The following CIMIP2B variants were observed in gnomAD, a reference collection of about 807,000 sequenced individuals.
The protein encoded by CIMIP2B is family with sequence similarity 166 member B.
chr9:35,562,461 C>T, the CIMIP2B span: 2 of 1,584,098 alleles, frequency 1.3e-6, no homozygotes. Flanking sequence ...TGTTTGGGGT[C>T]CTGGGCACTG....
At chr9:35,562,831 C>T in the CIMIP2B span, 5 of 1,612,740 alleles carry the variant, frequency 3.1e-6, no homozygotes, top group East Asian at 2.2e-5. Context: ...AGTAAGACCC[C>T]CACTCCCACA....
At chr9:35,563,376 A>G in the CIMIP2B span, 6 of 1,611,186 alleles carry the variant, frequency 3.7e-6, no homozygotes, top group Non-Finnish European at 5.1e-6. Context: ...AGTAGTGGGC[A>G]GTGTCCAGTG....
the CIMIP2B span, chr9:35,563,402 C>T: frequency 6.3e-7 from 1 of 1,589,490 alleles, no homozygotes; most frequent in South Asian, 1.1e-5. Flanking sequence ...GCAGCACAGA[C>T]TCTCCCACTC....
chr9:35,561,874 A>C, the CIMIP2B span: 1 of 688,254 alleles, frequency 1.5e-6, no homozygotes, highest in Non-Finnish European at 2.6e-6. Context: ...CCTATTAATA[A>C]AAAAGGTGCT....
chr9:35,562,040 G>C, the CIMIP2B span: 1 of 1,535,534 alleles, frequency 6.5e-7, no homozygotes, highest in Non-Finnish European at 8.7e-7. Flanking sequence ...AGGTGCTGAG[G>C]CCCAGAGCAT....
chr9:35,562,712 GC>G, the CIMIP2B span: 15 of 1,613,478 alleles, frequency 9.3e-6, no homozygotes, highest in African/African-American at 5.3e-5. Flanking sequence ...TGTGAGAGAA[GC>G]CCCTGTGCTG....
At chr9:35,563,110 TAGTGTTTGGAACACATGCTCCTGGG>T in the CIMIP2B span, 1 of 1,613,394 alleles carries the variant, frequency 6.2e-7, no homozygotes. Context: ...GAAGACTCGT[TAGTGTTTGGAACACATGCTCCTGGG>T]AGGGGCACCT....
the CIMIP2B span, chr9:35,561,914 C>G: frequency 2.8e-6 from 1 of 352,444 alleles, no homozygotes; most frequent in East Asian, 7.1e-5. Context: ...TCTTTGTGTT[C>G]CCCCACCCTC....
At chr9:35,563,292 G>C in the CIMIP2B span, 1 of 1,613,830 alleles carries the variant, frequency 6.2e-7, no homozygotes, top group Admixed American at 1.7e-5. Flanking sequence ...TGGACAGGGG[G>C]CCAGGCTAGG....
the CIMIP2B span, chr9:35,562,061 A>G: frequency 6.5e-7 from 1 of 1,535,692 alleles, no homozygotes; most frequent in South Asian, 1.2e-5. Flanking sequence ...CATGGGTGAG[A>G]TGGCCAAATG....
At chr9:35,562,025 C>T in the CIMIP2B span, 1 of 1,487,846 alleles carries the variant, frequency 6.7e-7, no homozygotes, top group Non-Finnish European at 8.9e-7. Flanking sequence ...AGAGCTGCTT[C>T]TGGAAGGTGC....
At chr9:35,563,237 A>T in the CIMIP2B span, 1 of 1,613,914 alleles carries the variant, frequency 6.2e-7, no homozygotes, top group Admixed American at 1.7e-5. Flanking sequence ...CTCCCTGGGA[A>T]CCTCAGGAGA....
chr9:35,561,832 CTGTT>C, the CIMIP2B span: 1 of 604,042 alleles, frequency 1.7e-6, no homozygotes, highest in Non-Finnish European at 2.9e-6. Context: ...GCCCAGGCGT[CTGTT>C]TATGTATTTA....
chr9:35,563,174 C>T, the CIMIP2B span: 4 of 1,613,656 alleles, frequency 2.5e-6, no homozygotes, highest in Non-Finnish European at 3.4e-6. Context: ...ACCTGTGTAC[C>T]CAGGGATCAT....
the CIMIP2B span, chr9:35,563,729 C>G: frequency 1.8e-5 from 28 of 1,593,284 alleles, no homozygotes; most frequent in African/African-American, 2.5e-4. Flanking sequence ...TACCCCTACT[C>G]CCAGCAGCAA....
chr9:35,562,334 AAAC>A, the CIMIP2B span: 7 of 418,774 alleles, frequency 1.7e-5, no homozygotes, highest in Non-Finnish European at 2.4e-5. Context: ...ATACCCATAC[AAAC>A]AAACATTCCA....
chr9:35,562,426 G>GTATGT, the CIMIP2B span: 1 of 1,555,044 alleles, frequency 6.4e-7, no homozygotes, highest in Non-Finnish European at 8.7e-7. Context: ...GGTTCTGAGG[G>GTATGT]TATGTTCTGG....
the CIMIP2B span, chr9:35,562,641 G>C: frequency 1.2e-6 from 2 of 1,613,128 alleles, no homozygotes. Context: ...TGACCCCCCA[G>C]CTCTCACCTG....
At chr9:35,562,427 T>C in the CIMIP2B span, 1 of 1,553,500 alleles carries the variant, frequency 6.4e-7, no homozygotes, top group Non-Finnish European at 8.7e-7. Context: ...GTTCTGAGGG[T>C]ATGTTCTGGG....
Sources: allele counts gnomAD v4.1 joint callset, GRCh38; gene constraint gnomAD v4.1.1; transcripts MANE v1.5; gene names NCBI Gene and HGNC (gene_info 2026-07-23, HGNC 2026-07-21).